Variants in MACROD2 observed in about 807,000 individuals in gnomAD.
The protein encoded by MACROD2 is mono-ADP ribosylhydrolase 2, also known as ADP-ribose glycohydrolase MACROD2.
In MACROD2, 36 loss-of-function variants were observed where a neutral mutation model predicts 70.4. The observed-to-expected ratio is 0.51, with a 90% confidence interval of 0.39 to 0.68. The LOEUF is 0.68. MACROD2 is among the 30% of genes least tolerant of loss of function. MACROD2 has a pLI of 0.00. For synonymous variants in MACROD2, 172 were observed against 178.8 expected, an observed-to-expected ratio of 0.96 and a Z score of 0.30; for missense variants, 496 against 538.4, an observed-to-expected ratio of 0.92 and a Z score of 0.78.
At chr20:14,837,219 A>G (rs2073039525) in intron 5 of MACROD2, among the ~76,000 whole-genome samples, 1 of 152,076 alleles carries the variant, frequency 6.6e-6, no homozygotes, top group Admixed American at 6.6e-5. Flanking sequence ...TCTGACATGA[A>G]CTTTGTCTTT....
intron 8 of MACROD2, among the ~76,000 whole-genome samples, chr20:15,511,350 C>A (rs2047496763): frequency 6.6e-6 from 1 of 152,184 alleles, no homozygotes; most frequent in Non-Finnish European, 1.5e-5. Flanking sequence ...CTTCTTTCTG[C>A]ATTGATGTGA....
At chr20:15,961,426 G>C (rs1296020413) in intron 12 of MACROD2, among the ~76,000 whole-genome samples, 3 of 152,154 alleles carry the variant, frequency 2.0e-5, no homozygotes, top group Non-Finnish European at 2.9e-5. Flanking sequence ...TTATATCTTA[G>C]TCCTTGAAAT....
intron 5 of MACROD2, among the ~76,000 whole-genome samples, chr20:15,159,916 G>A (rs576427591): frequency 3.2e-4 from 49 of 152,096 alleles, no homozygotes; most frequent in African/African-American, 1.1e-3. Flanking sequence ...ACTTTCCCAG[G>A]AAAATACTGA....
At chr20:14,348,035 G>C (rs923254078) in intron 3 of MACROD2, among the ~76,000 whole-genome samples, 1 of 152,156 alleles carries the variant, frequency 6.6e-6, no homozygotes, top group Non-Finnish European at 1.5e-5. Flanking sequence ...GCTGAGGCAG[G>C]TGGATCATCT....
chr20:14,940,143 C>G (rs903988990), intron 5 of MACROD2, among the ~76,000 whole-genome samples: 2 of 105,276 alleles, frequency 1.9e-5, no homozygotes, highest in African/African-American at 7.0e-5. Flanking sequence ...AAACCCTCAT[C>G]TCTGCAAAAA....
At chr20:16,001,130 C>T (rs2147504246) in intron 15 of MACROD2, among the ~76,000 whole-genome samples, 1 of 152,316 alleles carries the variant, frequency 6.6e-6, no homozygotes, top group East Asian at 1.9e-4. Context: ...CTCTCTGCTT[C>T]AGAAGGAAAC....
intron 5 of MACROD2, among the ~76,000 whole-genome samples, chr20:15,004,602 C>G (rs779400052): frequency 2.0e-5 from 3 of 152,122 alleles, no homozygotes. Flanking sequence ...CTTACTTTAG[C>G]TACAAGTTAA....
At chr20:15,724,954 C>T (rs999178261) in intron 8 of MACROD2, among the ~76,000 whole-genome samples, 8 of 152,160 alleles carry the variant, frequency 5.3e-5, no homozygotes, top group African/African-American at 1.9e-4. Flanking sequence ...TGGTGGCAGG[C>T]GCCTGTAGTC....
intron 2 of MACROD2, among the ~76,000 whole-genome samples, chr20:14,084,084 A>C (rs1208582985): frequency 6.8e-6 from 1 of 147,724 alleles, no homozygotes; most frequent in African/African-American, 2.5e-5. Flanking sequence ...AAAACAAACA[A>C]AAAAAAACCT....
intron 2 of MACROD2, among the ~76,000 whole-genome samples, chr20:14,030,659 C>G (rs886809535): frequency 6.6e-6 from 1 of 152,106 alleles, no homozygotes; most frequent in Non-Finnish European, 1.5e-5. Flanking sequence ...ATCTGCCTGC[C>G]TTGGCCTCCC....
At chr20:15,595,340 C>A (rs982378430) in intron 8 of MACROD2, among the ~76,000 whole-genome samples, 1 of 151,994 alleles carries the variant, frequency 6.6e-6, no homozygotes, top group African/African-American at 2.4e-5. Flanking sequence ...AATCCTCATA[C>A]AAAAAATTTA....
In MACROD2 at chr20:15,846,911, T is replaced by TTATATATATATATA. The variant is rs33993940; in HGVS notation, c.646-15806_646-15793dup. On this transcript the variant is annotated intron_variant, in intron 8 of 17. Coordinates refer to ENST00000684519, the MANE Select transcript of MACROD2 (RefSeq NM_001351661.2). ...GACCTTGACATAGTCAAAAAAAAAA[T>TTATATATATATATA]TATATATATATATATATATATATAT... Among the ~76,000 whole-genome samples the TTATATATATATATA allele has an allele frequency of 1.8e-3, 252 of 137,934 alleles. 7 individuals carry two copies. Among genetic ancestry groups the TTATATATATATATA allele is most frequent in the Non-Finnish European group, 2.3e-3 (151 of 64,852 alleles). 90.5% of individuals were successfully genotyped at this position (137,934 alleles called of 152,430 possible). A position where few individuals can be genotyped will look rare whatever the true frequency, so the allele number is the denominator to read the frequency against.
At chr20:15,304,891 G>A (rs182330989) in intron 6 of MACROD2, among the ~76,000 whole-genome samples, 1 of 152,334 alleles carries the variant, frequency 6.6e-6, no homozygotes, top group East Asian at 1.9e-4. Flanking sequence ...CTGGCCATAC[G>A]GGAGGCACCC....
At chr20:15,659,924 C>T (rs1203319007) in intron 8 of MACROD2, among the ~76,000 whole-genome samples, 1 of 152,088 alleles carries the variant, frequency 6.6e-6, no homozygotes, top group African/African-American at 2.4e-5. Flanking sequence ...TCCTGTCTGT[C>T]ACTGCTGTCA....
chr20:15,045,612 A>G (rs747607685), intron 5 of MACROD2, among the ~76,000 whole-genome samples: 2 of 152,060 alleles, frequency 1.3e-5, no homozygotes, highest in African/African-American at 2.4e-5. Context: ...TGTACATGTG[A>G]AATACAAGAT....
Position 15,560,012 on chromosome 20 carries a change from T to A in MACROD2, c.645+60165T>A, listed in dbSNP as rs899392449. 3.9e-5 allele frequency among the ~76,000 whole-genome samples: 6 copies of A among 152,358 alleles called. No individual in the cohort carries two copies. In the East Asian group the frequency reaches 5.8e-4, roughly 15 times the overall value. On this transcript the variant is annotated intron_variant, in intron 8 of 17. Coordinates refer to ENST00000684519, the MANE Select transcript of MACROD2 (RefSeq NM_001351661.2). ...TATTCTCAAACTGCAATACTTTTTA[T>A]TTAGTTCATCAAAATTAAAGACACC...
intron 5 of MACROD2, among the ~76,000 whole-genome samples, chr20:14,873,815 C>T (rs891810426): frequency 8.5e-5 from 13 of 152,116 alleles, no homozygotes; most frequent in African/African-American, 2.2e-4. Flanking sequence ...GCTGAGACTG[C>T]GCCATTGCAC....
chr20:15,526,476 A>G (rs1428546804), intron 8 of MACROD2, among the ~76,000 whole-genome samples: 8 of 152,168 alleles, frequency 5.3e-5, no homozygotes, highest in Non-Finnish European at 8.8e-5. Flanking sequence ...AATAGGTGAG[A>G]GAGTGGAAGG....
At chr20:14,098,597 T>G (rs1250252025) in intron 3 of MACROD2, among the ~76,000 whole-genome samples, 1 of 152,156 alleles carries the variant, frequency 6.6e-6, no homozygotes, top group Non-Finnish European at 1.5e-5. Context: ...TGAAAGGAAT[T>G]GTACTTATTA....
Sources: gnomAD v4.1 joint callset for allele counts (sites outside exome capture counted in the v4.1 genomes callset) on GRCh38, gnomAD v4.1.1 for gene constraint, MANE v1.5 for transcripts, NCBI Gene and HGNC (gene_info 2026-07-23, HGNC 2026-07-21) for gene names.